The following CTNNA3 variants were observed in gnomAD, a reference collection of about 807,000 sequenced individuals.
The protein encoded by CTNNA3 is catenin alpha 3.
Under a neutral mutation model 95.7 loss-of-function variants are expected in CTNNA3, and 76 were observed. That is an observed-to-expected ratio of 0.79 (90% CI 0.66 to 0.96). The LOEUF (loss-of-function observed/expected upper bound fraction) is 0.96, where lower values mean the gene tolerates loss of function less well. CTNNA3 is among the 40% of genes least tolerant of loss of function. The pLI is 0.00. For missense variants in CTNNA3, 1,191 were observed against 1,089.8 expected, an observed-to-expected ratio of 1.09 and a Z score of -1.31; for synonymous variants, 431 against 374.4, an observed-to-expected ratio of 1.15 and a Z score of -1.74.
intron 10 of CTNNA3, among the ~76,000 whole-genome samples, chr10:66,614,538 A>G (rs7909166): frequency 0.18 from 27,670 of 151,892 alleles, 2,948 homozygotes; most frequent in Non-Finnish European, 0.24. Flanking sequence ...CTCTAGGGCA[A>G]TCTTGACTTT....
At chr10:66,207,016 A>G (rs898097534) in intron 13 of CTNNA3, among the ~76,000 whole-genome samples, 2 of 151,920 alleles carry the variant, frequency 1.3e-5, no homozygotes, top group Admixed American at 1.3e-4. Flanking sequence ...ATGTGCATGT[A>G]TATTCAGTTG....
chr10:66,081,915 G>A (rs997707247), intron 14 of CTNNA3, among the ~76,000 whole-genome samples: 10 of 152,012 alleles, frequency 6.6e-5, no homozygotes, highest in Non-Finnish European at 7.4e-5. Context: ...TCAGGAATTC[G>A]AGATCAGCCT....
At chr10:67,177,737 A>G (rs766335025) in intron 7 of CTNNA3, among the ~76,000 whole-genome samples, 9 of 152,160 alleles carry the variant, frequency 5.9e-5, no homozygotes, top group Non-Finnish European at 1.2e-4. Flanking sequence ...TGTGATAGAA[A>G]CCTGGAGTGA....
At chr10:67,728,208 C>T (rs1251100372) in intron 1 of CTNNA3, among the ~76,000 whole-genome samples, 1 of 148,292 alleles carries the variant, frequency 6.7e-6, no homozygotes, top group Non-Finnish European at 1.5e-5. Context: ...AATCCTAGCA[C>T]TTTGGGAGGC....
chr10:67,432,500 T>C (rs920085701), intron 5 of CTNNA3, among the ~76,000 whole-genome samples: 40 of 152,024 alleles, frequency 2.6e-4, no homozygotes, highest in Admixed American at 2.6e-3. Flanking sequence ...TTCTTTGCCT[T>C]TTCCAGCTCC....
intron 7 of CTNNA3, among the ~76,000 whole-genome samples, chr10:67,145,070 A>T (rs1282671362): frequency 6.6e-6 from 1 of 152,156 alleles, no homozygotes; most frequent in Non-Finnish European, 1.5e-5. Context: ...GAGAAGGAGA[A>T]AGCTGGAGGA....
At position 67,045,246 on chromosome 10, in the gene CTNNA3, C is replaced by T. The variant is rs182078661; in HGVS notation, c.1047+135071G>A. Among the ~76,000 whole-genome samples, 110 of 152,160 alleles carry T rather than the reference C, an allele frequency of 7.2e-4. 1 individual carries two copies. The highest frequency in any genetic ancestry group is 2.6e-3 in the African/African-American group (106 of 41,504). ...TACTCTACCAACATTTATTAAATAC[C>T]TGTTTTGTGACAGTAGAGTATAAAC... On this transcript the variant is annotated intron_variant, in intron 7 of 17. Transcript: ENST00000433211.
chr10:67,258,009 G>C (rs1866431850), intron 5 of CTNNA3, among the ~76,000 whole-genome samples: 1 of 152,198 alleles, frequency 6.6e-6, no homozygotes, highest in Non-Finnish European at 1.5e-5. Context: ...GGCCTAATGT[G>C]TGTGTCAGAC....
intron 11 of CTNNA3, among the ~76,000 whole-genome samples, chr10:66,391,070 T>A (rs1053359376): frequency 6.6e-6 from 1 of 152,120 alleles, no homozygotes; most frequent in South Asian, 2.1e-4. Flanking sequence ...ATAGTCAAAA[T>A]TGTAGTCACT....
At chr10:65,923,240 A>G (rs1420256129) in intron 17 of CTNNA3, among the ~76,000 whole-genome samples, 1 of 152,224 alleles carries the variant, frequency 6.6e-6, no homozygotes, top group Non-Finnish European at 1.5e-5. Flanking sequence ...AGCATAAACT[A>G]TTTCTAAAAA....
chr10:66,480,665 C>T (rs960816740), intron 11 of CTNNA3, among the ~76,000 whole-genome samples: 12 of 152,098 alleles, frequency 7.9e-5, no homozygotes, highest in African/African-American at 2.2e-4. Context: ...AGTGCAGTGG[C>T]GCAATCTCGG....
intron 9 of CTNNA3, among the ~76,000 whole-genome samples, chr10:66,680,892 G>A (rs768854073): frequency 1.3e-5 from 2 of 152,138 alleles, no homozygotes; most frequent in Admixed American, 6.5e-5. Context: ...AGAATGATGA[G>A]AGAGGAAGCT....
intron 13 of CTNNA3, among the ~76,000 whole-genome samples, chr10:66,115,010 C>T (rs950285195): frequency 2.0e-4 from 31 of 152,032 alleles, no homozygotes; most frequent in Admixed American, 1.7e-3. Flanking sequence ...TGTTACAAAA[C>T]ATTTTTCTAT....
chr10:67,219,659 G>A lies in CTNNA3; in HGVS notation c.791C>T (p.Thr264Ile). ...NASQGIQNMT[T>I]PPEPQAATLG... The stretch of plus-strand genomic sequence containing the variant: ...GGTTGCTGCCTGAGGTTCTGGTGGG[G>A]TTGTCATATTCTGGATCCCTTGTGA... Residue 264 changes from threonine (T) to isoleucine (I), a missense_variant, in exon 6 of 18, where the codon ACC becomes ATC. Transcript: ENST00000433211. 6.2e-7 allele frequency: 1 copy of A among 1,614,096 alleles called. No homozygotes were observed. The highest frequency in any genetic ancestry group is 2.2e-5 in the East Asian group (1 of 44,876).
At chr10:67,322,057 T>G (rs1249785801) in intron 5 of CTNNA3, among the ~76,000 whole-genome samples, 1 of 151,992 alleles carries the variant, frequency 6.6e-6, no homozygotes, top group Non-Finnish European at 1.5e-5. Flanking sequence ...TAGTCCAAGA[T>G]ACTGTGTCAT....
intron 11 of CTNNA3, among the ~76,000 whole-genome samples, chr10:66,448,011 G>A (rs2093435721): frequency 6.6e-6 from 1 of 152,250 alleles, no homozygotes; most frequent in Middle Eastern, 3.4e-3. Context: ...CAAAAAGTGG[G>A]CGAAGGATAT....
chr10:67,740,115 T>C (rs370369205), intron 1 of CTNNA3, among the ~76,000 whole-genome samples: 7 of 152,100 alleles, frequency 4.6e-5, no homozygotes, highest in South Asian at 2.1e-4. Context: ...ATGTAGAAAG[T>C]TGAAACTGGA....
chr10:66,067,346 G>A (rs1332774221), intron 15 of CTNNA3, among the ~76,000 whole-genome samples: 1 of 152,154 alleles, frequency 6.6e-6, no homozygotes, highest in Non-Finnish European at 1.5e-5. Context: ...GTTCAGAGAA[G>A]CCAAGAAAAA....
intron 13 of CTNNA3, among the ~76,000 whole-genome samples, chr10:66,258,886 G>C (rs1232105807): frequency 4.6e-5 from 7 of 152,066 alleles, no homozygotes. Context: ...TCTCTTTTCT[G>C]TACAGGAATG....
Sources: gnomAD v4.1 joint callset for allele counts (sites outside exome capture counted in the v4.1 genomes callset) on GRCh38, gnomAD v4.1.1 for gene constraint, MANE v1.5 for transcripts, NCBI Gene and HGNC (gene_info 2026-07-23, HGNC 2026-07-21) for gene names.